Variants in ALDH1L1 observed in about 807,000 individuals in gnomAD.
The protein encoded by ALDH1L1 is aldehyde dehydrogenase 1 family member L1, also known as cytosolic 10-formyltetrahydrofolate dehydrogenase.
In ALDH1L1, 68 loss-of-function variants were observed where a neutral mutation model predicts 101.1. The ratio of observed to expected loss-of-function variants is 0.67; its 90% CI spans 0.55 to 0.82. The LOEUF (loss-of-function observed/expected upper bound fraction) is 0.82. ALDH1L1 is among the 40% of genes least tolerant of loss of function. ALDH1L1 has a pLI of 0.00. For missense variants in ALDH1L1, 1,087 were observed against 1,172.7 expected (o/e 0.93, Z 1.07); for synonymous variants, 486 against 470.8 (o/e 1.03, Z -0.42).
At chr3:126,106,770 T>C (rs1248004488) in intron 21 of ALDH1L1, among the ~76,000 whole-genome samples, 2 of 152,186 alleles carry the variant, frequency 1.3e-5, no homozygotes, top group Non-Finnish European at 2.9e-5. Flanking sequence ...TCATTGAACC[T>C]AGACCGTGAC....
At chr3:126,158,801 C>T (rs969348362) in intron 2 of ALDH1L1, among the ~76,000 whole-genome samples, 162 bp from the exon 3 acceptor site, 1 of 152,196 alleles carries the variant, frequency 6.6e-6, no homozygotes, top group Non-Finnish European at 1.5e-5. Context: ...GATGCACCAG[C>T]CAAGCATGAG....
At chr3:126,125,586 A>G in intron 15 of ALDH1L1, 30 bp downstream of exon 15, 1 of 1,457,610 alleles carries the variant, frequency 6.9e-7, no homozygotes, top group South Asian at 1.5e-5. Context: ...TGTGGCCTGC[A>G]GGCCCTGTCC....
intron 20 of ALDH1L1, among the ~76,000 whole-genome samples, chr3:126,109,518 C>T (rs774525725): frequency 3.7e-4 from 56 of 152,068 alleles, no homozygotes; most frequent in Non-Finnish European, 2.4e-4. Context: ...AGAGATCCTG[C>T]GGGCAAAAAG....
At chr3:126,175,137 T>G (rs111795984) in intron 1 of ALDH1L1, among the ~76,000 whole-genome samples, 111 of 152,206 alleles carry the variant, frequency 7.3e-4, no homozygotes, top group African/African-American at 2.2e-3. Context: ...ACAAATTTGG[T>G]AAGTTAAATG....
chr3:126,195,846 GC>G (rs1049475190), intron 1 of ALDH1L1, among the ~76,000 whole-genome samples: 2 of 152,140 alleles, frequency 1.3e-5, no homozygotes, highest in African/African-American at 4.8e-5. Flanking sequence ...ATCATTCTCA[GC>G]AAACTATCGC....
intron 9 of ALDH1L1, among the ~76,000 whole-genome samples, chr3:126,138,941 A>C (rs1173186670): frequency 6.6e-6 from 1 of 152,252 alleles, no homozygotes; most frequent in Non-Finnish European, 1.5e-5. Context: ...ACTGGTAAAG[A>C]AGCTGGTAAA....
chr3:126,108,181 C>G lies in ALDH1L1; in HGVS notation c.2348-935G>C, dbSNP rs1303252341. ...CAGTCTTGCACCACTTCTGCCAGGG[C>G]ATGTGAGCCATGCTGACCACCCCTC... is the stretch of plus-strand genomic sequence containing the variant. On this transcript the variant is annotated intron_variant, in intron 20 of 22. Transcript: ENST00000393434. 2.0e-5 allele frequency: 3 copies of G among 152,300 alleles called. No individual in the cohort carries two copies. In the East Asian group the frequency reaches 5.8e-4, roughly 29 times the overall value. The allele number at this position is 152,300 out of a possible 1,614,324, so 9.4% of individuals were successfully genotyped here.
At chr3:126,193,785 CTA>C (rs2081566596) in intron 1 of ALDH1L1, among the ~76,000 whole-genome samples, 1 of 152,170 alleles carries the variant, frequency 6.6e-6, no homozygotes, top group African/African-American at 2.4e-5. Flanking sequence ...AATTGTATAA[CTA>C]AAAAATTTCA....
Position 126,125,732 on chromosome 3 carries a change from A to G in ALDH1L1, c.1695-11T>C, listed in dbSNP as rs139520845. 3.9e-3 allele frequency: 5,955 copies of G among 1,530,092 alleles called. 19 individuals carry two copies. Among genetic ancestry groups the G allele is most frequent in the Middle Eastern group, 8.7e-3 (50 of 5,750 alleles). 94.8% of individuals were successfully genotyped at this position (1,530,092 alleles called of 1,614,324 possible). On this transcript the variant is annotated splice_polypyrimidine_tract_variant and intron_variant, in intron 14 of 22. Coordinates refer to ENST00000393434, the MANE Select transcript of ALDH1L1 (RefSeq NM_012190.4). Reference sequence around the variant, plus strand: ...ATGATGCCACAAACCCTGCCACACAAAAGAGGTTGGCCTTTGTCCTTCTTC... The same window carrying G: ...ATGATGCCACAAACCCTGCCACACAGAAGAGGTTGGCCTTTGTCCTTCTTC...
At chr3:126,153,273 T>C (rs2080840775) in intron 7 of ALDH1L1, 171 bp downstream of exon 7, 1 of 978,038 alleles carries the variant, frequency 1.0e-6, no homozygotes, top group Admixed American at 2.0e-5. Context: ...GGACACCCTG[T>C]GCTCAGGACC....
rs767849590 is a variant in ALDH1L1 at position 126,158,537 on chromosome 3, C to G, written c.230G>C (p.Gly77Ala). ...PDVVAKYQAL[G>A]AELNVLPFCS... ...GAAGGGCAGGACGTTGAGCTCGGCC[C>G]CCAAAGCCTGGTATTTTGCCACCAC... The change falls in exon 3 of 23, where the codon GGG (glycine) becomes GCG (alanine). Residue 77 changes from glycine (G) to alanine (A), a missense_variant. By Grantham distance (60) the Gly-to-Ala change is moderately conservative. Transcript: ENST00000393434. 1 of 1,614,234 alleles carries G rather than the reference C, an allele frequency of 6.2e-7. No individual in the cohort carries two copies. Among genetic ancestry groups the G allele is most frequent in the East Asian group, 2.2e-5 (1 of 44,876 alleles).
chr3:126,122,218 C>T (rs1407448252), intron 16 of ALDH1L1, among the ~76,000 whole-genome samples: 1 of 152,150 alleles, frequency 6.6e-6, no homozygotes, highest in Non-Finnish European at 1.5e-5. Context: ...CAAGTGACTA[C>T]AGACAGTAGT....
At chr3:126,155,752 A>AT in intron 4 of ALDH1L1, 1 of 400,040 alleles carries the variant, frequency 2.5e-6, no homozygotes, top group East Asian at 4.6e-5. Context: ...ACATCTTCTG[A>AT]TATCTTAGAT....
chr3:126,153,401 G>T, intron 7 of ALDH1L1, 43 bp downstream of exon 7: 1 of 1,609,494 alleles, frequency 6.2e-7, no homozygotes, highest in Non-Finnish European at 8.5e-7. Context: ...ACAGGAGCAT[G>T]GGTGGCTTTG....
chr3:126,105,255 A>G (rs1945825010), intron 22 of ALDH1L1: 1 of 259,798 alleles, frequency 3.8e-6, no homozygotes. Flanking sequence ...TGGGCCTTCA[A>G]TCTGGCCCCT....
chr3:126,185,086 G>C (rs1391834890), upstream of ALDH1L1, among the ~76,000 whole-genome samples: 3 of 152,150 alleles, frequency 2.0e-5, no homozygotes, highest in African/African-American at 7.2e-5. Context: ...TTTTCATGTA[G>C]AGGCGAAGGT....
intron 1 of ALDH1L1, among the ~76,000 whole-genome samples, chr3:126,166,499 T>A (rs2081170753): frequency 6.6e-6 from 1 of 152,222 alleles, no homozygotes; most frequent in South Asian, 2.1e-4. Flanking sequence ...TTTCTCTTCA[T>A]AAATCTTGTT....
chr3:126,190,374 C>T (rs1261036555), intron 1 of ALDH1L1, among the ~76,000 whole-genome samples: 11 of 152,156 alleles, frequency 7.2e-5, no homozygotes, highest in African/African-American at 2.4e-4. Context: ...CAATATTTTT[C>T]GTAATTTGGA....
At chr3:126,164,312 G>A (rs1335046170) in intron 1 of ALDH1L1, among the ~76,000 whole-genome samples, 1 of 152,162 alleles carries the variant, frequency 6.6e-6, no homozygotes, top group East Asian at 1.9e-4. Context: ...GTGCAGGTTT[G>A]ATATATGAAC....
Sources: allele counts gnomAD v4.1 joint callset (sites outside exome capture counted in the v4.1 genomes callset), GRCh38; gene constraint gnomAD v4.1.1; transcripts MANE v1.5; gene names NCBI Gene and HGNC (gene_info 2026-07-23, HGNC 2026-07-21).